PEPD: variants seen among roughly 807,000 people sequenced by gnomAD.
The protein encoded by PEPD is xaa-Pro dipeptidase.
A neutral mutation model predicts 60.7 loss-of-function variants in PEPD; 53 were observed. The ratio of observed to expected loss-of-function variants is 0.87; its 90% CI spans 0.70 to 1.10. The LOEUF is 1.10. Among genes scored for constraint, PEPD ranks in the 50% least tolerant of loss-of-function variants. The probability of loss-of-function intolerance (pLI) is 0.00; values close to 1 mark genes in which losing one functional copy is unlikely to be tolerated. For missense variants in PEPD, 711 were observed against 711.9 expected (o/e 1.00, Z 0.01); for synonymous variants, 267 against 284.1 (o/e 0.94, Z 0.60).
chr19:33,462,420 G>A (rs915382908), intron 9 of PEPD, among the ~76,000 whole-genome samples: 3 of 152,212 alleles, frequency 2.0e-5, no homozygotes, highest in Admixed American at 2.0e-4. Context: ...AGGTTTCCTT[G>A]TACCATGGGT....
intron 9 of PEPD, among the ~76,000 whole-genome samples, chr19:33,459,697 A>G (rs1969891737): frequency 6.6e-6 from 1 of 151,998 alleles, no homozygotes; most frequent in Admixed American, 6.6e-5. Flanking sequence ...CATGCCTTCA[A>G]GATTTTATAA....
chr19:33,471,129 A>C (rs1180435576), intron 7 of PEPD, among the ~76,000 whole-genome samples: 1 of 152,228 alleles, frequency 6.6e-6, no homozygotes, highest in Non-Finnish European at 1.5e-5. Context: ...GTGGAAAAAA[A>C]AAATCAAACT....
chr19:33,405,205 G>A (rs1311930444), intron 11 of PEPD, among the ~76,000 whole-genome samples: 1 of 152,176 alleles, frequency 6.6e-6, no homozygotes, highest in Non-Finnish European at 1.5e-5. Context: ...GCCACCACTG[G>A]CCCACCCAGA....
chr19:33,436,785 T>C (rs555861527), intron 9 of PEPD, among the ~76,000 whole-genome samples: 18 of 152,214 alleles, frequency 1.2e-4, no homozygotes, highest in African/African-American at 4.3e-4. Context: ...TTGGAGAGAG[T>C]CAGCATGCCT....
chr19:33,449,715 C>T (rs1315571867), intron 9 of PEPD, among the ~76,000 whole-genome samples: 1 of 151,596 alleles, frequency 6.6e-6, no homozygotes. Context: ...TGAAAGAAGT[C>T]GGTCATAGAC....
At chr19:33,437,887 C>A (rs1477580956) in intron 9 of PEPD, among the ~76,000 whole-genome samples, 1 of 152,186 alleles carries the variant, frequency 6.6e-6, no homozygotes, top group African/African-American at 2.4e-5. Context: ...TTGGAAGAGG[C>A]AGGGTCCAAA....
intron 7 of PEPD, among the ~76,000 whole-genome samples, chr19:33,471,319 ACCC>A (rs989124712): frequency 2.6e-5 from 4 of 152,144 alleles, no homozygotes; most frequent in African/African-American, 9.7e-5. Flanking sequence ...AGAGGGATGC[ACCC>A]CAGCCTGGCC....
Position 33,387,347 on chromosome 19 carries a change from CTTGG to C in PEPD, c.1475_1478del (p.Pro492ArgfsTer45), listed in dbSNP as rs763184249. On this transcript the variant is annotated frameshift_variant, in exon 15 of 15. Transcript: ENST00000244137. LOFTEE classifies it high-confidence loss of function. ...GCGCTGGGATTTCTGGCTGGCTCTA[CTTGG>C]GGCCAGAGAAGGGGGTAAAGGCCTT... The C allele has an allele frequency of 6.2e-7, 1 of 1,613,952 alleles. No homozygotes were observed. The highest frequency in any genetic ancestry group is 1.7e-5 in the Admixed American group (1 of 60,026).
chr19:33,408,192 G>C (rs74444924), intron 11 of PEPD, among the ~76,000 whole-genome samples: 3 of 152,220 alleles, frequency 2.0e-5, no homozygotes, highest in Non-Finnish European at 2.9e-5. Context: ...TCGAAGACAC[G>C]GAACAGGACA....
At chr19:33,474,313 C>G (rs868396424) in intron 7 of PEPD, among the ~76,000 whole-genome samples, 3 of 152,354 alleles carry the variant, frequency 2.0e-5, no homozygotes, top group Middle Eastern at 3.4e-3. Flanking sequence ...TTGGGCAAGT[C>G]ACTAACTTCC....
At chr19:33,417,630 A>G (rs1310725684) in intron 9 of PEPD, among the ~76,000 whole-genome samples, 1 of 152,110 alleles carries the variant, frequency 6.6e-6, no homozygotes, top group Non-Finnish European at 1.5e-5. Flanking sequence ...ACATACATGG[A>G]GTATACACAA....
intron 9 of PEPD, among the ~76,000 whole-genome samples, chr19:33,424,981 T>TA (rs1969109635): frequency 1.3e-5 from 2 of 148,758 alleles, no homozygotes; most frequent in South Asian, 2.1e-4. Flanking sequence ...CCCAGCTCTT[T>TA]AAAAAAACAA....
chr19:33,512,276 G>A (rs1283052088), intron 2 of PEPD, among the ~76,000 whole-genome samples: 1 of 152,200 alleles, frequency 6.6e-6, no homozygotes, highest in African/African-American at 2.4e-5. Context: ...ATGTGTGAAA[G>A]TGGGCCCAGC....
In PEPD at chr19:33,387,165, G is replaced by GTAAT. The variant is rs16426; in HGVS notation, c.*175_*178dup. 0.14 allele frequency: 93,568 copies of GTAAT among 652,862 alleles called. 8,242 individuals carry two copies. The highest frequency in any genetic ancestry group is 0.26 in the Admixed American group (9,308 of 36,034). 40.4% of individuals were successfully genotyped at this position (652,862 alleles called of 1,614,324 possible). ...ATTAAAGGTGGGAGCCTGCAAAAGG[G>GTAAT]TAATTAAAAAAGTGTTTCCTCCCCG... On this transcript the variant is annotated 3_prime_UTR_variant, in exon 15 of 15. Coordinates refer to ENST00000244137, the MANE Select transcript of PEPD (RefSeq NM_000285.4).
intron 9 of PEPD, among the ~76,000 whole-genome samples, chr19:33,449,816 A>T (rs925531381): frequency 6.6e-6 from 1 of 152,204 alleles, no homozygotes; most frequent in Admixed American, 6.5e-5. Flanking sequence ...TCTGAAACTG[A>T]TAAGGAAGCC....
intron 6 of PEPD, among the ~76,000 whole-genome samples, chr19:33,486,270 T>A (rs1274942786): frequency 1.5e-5 from 1 of 65,230 alleles, no homozygotes; most frequent in African/African-American, 6.3e-5. Context: ...CCCCCCATCA[T>A]GCCCCCGCCA....
intron 9 of PEPD, among the ~76,000 whole-genome samples, chr19:33,456,564 T>C (rs1969804802): frequency 6.6e-6 from 1 of 152,166 alleles, no homozygotes; most frequent in African/African-American, 2.4e-5. Flanking sequence ...CCCAGACCTG[T>C]GTCTGAAGGG....
intron 9 of PEPD, among the ~76,000 whole-genome samples, chr19:33,456,207 G>A (rs1251847784): frequency 2.0e-5 from 3 of 152,046 alleles, no homozygotes; most frequent in African/African-American, 7.2e-5. Context: ...CTGGTGGAGA[G>A]ACTCTCCACA....
At chr19:33,443,920 G>C (rs1209610526) in intron 9 of PEPD, among the ~76,000 whole-genome samples, 4 of 152,044 alleles carry the variant, frequency 2.6e-5, no homozygotes. Context: ...TGAGAAGAGT[G>C]TGTAATGGGT....
Sources: allele counts gnomAD v4.1 joint callset (sites outside exome capture counted in the v4.1 genomes callset), GRCh38; gene constraint gnomAD v4.1.1; transcripts MANE v1.5; gene names NCBI Gene and HGNC (gene_info 2026-07-23, HGNC 2026-07-21).